The following CPQ variants were observed in gnomAD, a reference collection of about 807,000 sequenced individuals.
CPQ encodes carboxypeptidase Q, also known as Ser-Met dipeptidase.
In CPQ, 37 loss-of-function variants were observed where a neutral mutation model predicts 45.7. The ratio of observed to expected loss-of-function variants is 0.81; its 90% confidence interval spans 0.62 to 1.07. The LOEUF is 1.07. Among genes scored for constraint, CPQ ranks in the 50% least tolerant of loss-of-function variants. The pLI, the probability that CPQ is intolerant of heterozygous loss-of-function variation, is 0.00. For missense variants in CPQ, 537 were observed against 572.9 expected, an observed-to-expected ratio of 0.94 and a Z score of 0.64; for synonymous variants, 186 against 205.8, an observed-to-expected ratio of 0.90 and a Z score of 0.82.
intron 4 of CPQ, among the ~76,000 whole-genome samples, chr8:96,918,237 A>C (rs747039952): frequency 6.6e-6 from 1 of 152,110 alleles, no homozygotes; most frequent in Non-Finnish European, 1.5e-5. Flanking sequence ...CTAAAATCTA[A>C]ATAATGTACT....
chr8:96,893,799 A>G (rs1266168463), intron 4 of CPQ, among the ~76,000 whole-genome samples: 3 of 152,246 alleles, frequency 2.0e-5, no homozygotes, highest in Non-Finnish European at 2.9e-5. Flanking sequence ...CCTTTAAATA[A>G]TAATAATTAC....
intron 1 of CPQ, among the ~76,000 whole-genome samples, chr8:96,737,530 G>T (rs998019133): frequency 6.6e-6 from 1 of 151,948 alleles, no homozygotes; most frequent in Non-Finnish European, 1.5e-5. Context: ...TGTAGGCTGG[G>T]AGACTAGGCA....
At chr8:97,115,124 T>G (rs1398192760) in intron 7 of CPQ, among the ~76,000 whole-genome samples, 1 of 152,194 alleles carries the variant, frequency 6.6e-6, no homozygotes, top group African/African-American at 2.4e-5. Context: ...GCCTTCTCAT[T>G]GTTTCAGCAA....
At chr8:96,740,004 C>A (rs1810059226) in intron 1 of CPQ, among the ~76,000 whole-genome samples, 1 of 152,084 alleles carries the variant, frequency 6.6e-6, no homozygotes, top group Non-Finnish European at 1.5e-5. Flanking sequence ...TGAAGAAAGT[C>A]ATTGGTAGCT....
intron 1 of CPQ, among the ~76,000 whole-genome samples, chr8:96,765,614 C>T (rs1039791298): frequency 1.3e-5 from 2 of 152,194 alleles, no homozygotes; most frequent in African/African-American, 2.4e-5. Flanking sequence ...TGTCCTATTT[C>T]ACAGGTCCAA....
At chr8:96,708,454 T>C (rs986060434) in intron 1 of CPQ, among the ~76,000 whole-genome samples, 2 of 151,456 alleles carry the variant, frequency 1.3e-5, no homozygotes, top group Non-Finnish European at 2.9e-5. Flanking sequence ...TATATATATA[T>C]ATATACATTG....
In CPQ at chr8:97,123,172, TAAAATATAAA is replaced by T. The variant is rs1353304783; in HGVS notation, c.1256-19846_1256-19837del. Among the ~76,000 whole-genome samples the T allele has an allele frequency of 9.2e-4, 32 of 34,756 alleles. 3 individuals are homozygous for T. The highest frequency in any genetic ancestry group is 3.7e-3 in the African/African-American group (27 of 7,380). The allele number at this position is 34,756 out of a possible 152,430, so 22.8% of individuals were successfully genotyped here. ...ATAAATAAAATAAAATAAAATAAAA[TAAAATATAAA>T]ATAAAATAAAATAAAATAAAATAAA... On this transcript the variant is annotated intron_variant, in intron 7 of 7. Transcript: ENST00000220763.
intron 4 of CPQ, among the ~76,000 whole-genome samples, chr8:96,905,888 A>G (rs1013477771): frequency 6.6e-6 from 1 of 152,140 alleles, no homozygotes; most frequent in East Asian, 1.9e-4. Flanking sequence ...AAAGTTGAAA[A>G]TCTGGGGAAA....
Position 97,012,852 on chromosome 8 carries a change from G to A in CPQ, c.962-16551G>A, listed in dbSNP as rs539875395. Among the ~76,000 whole-genome samples the A allele has an allele frequency of 3.3e-5, 5 of 150,162 alleles. No homozygotes were observed. The South Asian group carries it at 8.3e-4, about 25-fold the overall frequency. ...CACTGAAATTTCATGTAAACACCTC[G>A]CAGTTTGCTCTAAATTTTCTTTTAT... On this transcript the variant is annotated intron_variant, in intron 5 of 7. Transcript: ENST00000220763.
chr8:96,682,841 T>G (rs1809169084), intron 1 of CPQ, among the ~76,000 whole-genome samples: 1 of 152,206 alleles, frequency 6.6e-6, no homozygotes, highest in South Asian at 2.1e-4. Context: ...TCCTTACAGA[T>G]GAGATGAGTT....
intron 4 of CPQ, among the ~76,000 whole-genome samples, chr8:96,911,967 C>T (rs1212444766): frequency 6.6e-6 from 1 of 152,156 alleles, no homozygotes; most frequent in Non-Finnish European, 1.5e-5. Context: ...CAAGTAAGTT[C>T]TCAGAGCCTC....
intron 1 of CPQ, among the ~76,000 whole-genome samples, chr8:96,698,949 C>A (rs2130743807): frequency 6.6e-6 from 1 of 152,248 alleles, no homozygotes. Flanking sequence ...AAAAATAGAG[C>A]TACCATAAGA....
At chr8:97,066,258 TA>T in intron 7 of CPQ, 48 bp downstream of exon 7, 1 of 1,544,182 alleles carries the variant, frequency 6.5e-7, no homozygotes, top group Non-Finnish European at 8.8e-7. Context: ...GCCAACAATT[TA>T]AAATAAAATT....
intron 3 of CPQ, among the ~76,000 whole-genome samples, chr8:96,871,531 G>GTTTTTTTTTTTTTTTTTTTTTTTTT (rs529360931): frequency 2.8e-5 from 3 of 107,024 alleles, no homozygotes; most frequent in Non-Finnish European, 5.6e-5. Flanking sequence ...TTGCTTCCAG[G>GTTTTTTTTTTTTTTTTTTTTTTTTT]TTTTTTTTTT....
intron 5 of CPQ, among the ~76,000 whole-genome samples, chr8:96,994,438 TG>T (rs1444824713): frequency 6.6e-6 from 1 of 152,158 alleles, no homozygotes; most frequent in Non-Finnish European, 1.5e-5. Context: ...AGCTCACATC[TG>T]GGGTCTACCC....
chr8:96,729,253 A>G (rs1354371335), intron 1 of CPQ, among the ~76,000 whole-genome samples: 1 of 152,194 alleles, frequency 6.6e-6, no homozygotes, highest in Non-Finnish European at 1.5e-5. Context: ...CTTGTTGGGC[A>G]TGAAGCCATG....
intron 6 of CPQ, among the ~76,000 whole-genome samples, chr8:97,054,130 C>A (rs1810411676): frequency 6.6e-6 from 1 of 152,000 alleles, no homozygotes; most frequent in Non-Finnish European, 1.5e-5. Context: ...ATTGACATTT[C>A]TCAAAAGAAG....
At chr8:96,768,544 AG>A (rs1322049041) in intron 1 of CPQ, among the ~76,000 whole-genome samples, 2 of 152,184 alleles carry the variant, frequency 1.3e-5, no homozygotes, top group Admixed American at 6.5e-5. Flanking sequence ...GTTAGGATTT[AG>A]GGAAAATTGT....
chr8:96,921,781 T>C (rs1317368606), intron 4 of CPQ, among the ~76,000 whole-genome samples: 2 of 152,210 alleles, frequency 1.3e-5, no homozygotes, highest in Non-Finnish European at 2.9e-5. Flanking sequence ...CTAAGAAGTG[T>C]GCCTCAAAAT....
Sources: gnomAD v4.1 joint callset for allele counts (sites outside exome capture counted in the v4.1 genomes callset) on GRCh38, gnomAD v4.1.1 for gene constraint, MANE v1.5 for transcripts, NCBI Gene and HGNC (gene_info 2026-07-23, HGNC 2026-07-21) for gene names.